Variants in ABTB2 observed in about 807,000 individuals in gnomAD.
The protein encoded by ABTB2 is ankyrin repeat and BTB domain containing 2, also known as ankyrin repeat and BTB/POZ domain-containing protein 2.
ABTB2 carries 56 observed loss-of-function variants against 104.1 expected under a neutral mutation model. The ratio of observed to expected loss-of-function variants is 0.54; its 90% CI spans 0.43 to 0.67. The LOEUF (loss-of-function observed/expected upper bound fraction) is 0.67, where lower values mean the gene tolerates loss of function less well. Ranked by LOEUF, ABTB2 falls within the 30% of genes least tolerant of loss-of-function variation. The pLI is 0.00. For synonymous variants in ABTB2, 606 were observed against 608.2 expected, an observed-to-expected ratio of 1.00 and a Z score of 0.05; for missense variants, 1,279 against 1,407.7, an observed-to-expected ratio of 0.91 and a Z score of 1.46.
rs1852586727 is a variant in ABTB2 at position 34,154,156 on chromosome 11, C to A, written c.2880+109G>T. On this transcript the variant is annotated intron_variant, in intron 16 of 16. Transcript: ENST00000435224. This position sits in a 1 kb window ranked among gnomAD's most constrained non-coding sequence, Gnocchi z 4.9. ...GCCTCTACACTGCCCTCAGAAGCAG[C>A]CTGGTCACCTGCATCTCCTAGCTCA... The A allele has an allele frequency of 8.5e-6, 7 of 824,324 alleles. No homozygotes were observed. Among genetic ancestry groups the A allele is most frequent in the Non-Finnish European group, 1.4e-5 (7 of 499,314 alleles). The allele number at this position is 824,324 out of a possible 1,614,324, so 51.1% of individuals were successfully genotyped here.
chr11:34,230,435 A>G (rs1853753725), intron 1 of ABTB2, among the ~76,000 whole-genome samples: 1 of 152,178 alleles, frequency 6.6e-6, no homozygotes, highest in Admixed American at 6.5e-5. Flanking sequence ...AATACCTAAA[A>G]TAACTTTCGG....
chr11:34,167,284 A>G lies in ABTB2; in HGVS notation c.1730T>C (p.Leu577Pro). The G allele has an allele frequency of 6.2e-7, 1 of 1,612,890 alleles. No individual in the cohort carries two copies. The highest frequency in any genetic ancestry group is 8.5e-7 in the Non-Finnish European group (1 of 1,179,440). The change falls in exon 7 of 17, where the codon CTG (leucine) becomes CCG (proline). Residue 577 changes from leucine to proline, a missense_variant. Transcript: ENST00000435224. ...RHWTSLTFAVLHGHISVVQLL... is the reference protein window; with the variant it reads ...RHWTSLTFAVPHGHISVVQLL... ...CTGGACCACAGAGATGTGTCCATGCAGCACAGCGAATGTCAGTGAGGTCCA... is the reference window on the plus strand; with the variant it reads ...CTGGACCACAGAGATGTGTCCATGCGGCACAGCGAATGTCAGTGAGGTCCA...
intron 1 of ABTB2, among the ~76,000 whole-genome samples, chr11:34,262,010 C>A (rs570443826): frequency 2.0e-5 from 3 of 152,308 alleles, no homozygotes; most frequent in African/African-American, 4.8e-5. Flanking sequence ...TGCCACCATA[C>A]CCCTGGTACA....
chr11:34,255,497 CTT>C (rs879472977), intron 1 of ABTB2, among the ~76,000 whole-genome samples: 5 of 146,334 alleles, frequency 3.4e-5, no homozygotes, highest in Non-Finnish European at 4.5e-5. Context: ...TTAAAAACTT[CTT>C]TTTTTTTTTT....
At position 34,161,168 on chromosome 11, in the gene ABTB2, T is replaced by C. The variant is rs1234217441; in HGVS notation, c.2219-87A>G. 1.1e-5 allele frequency: 15 copies of C among 1,350,328 alleles called. No homozygotes were observed. The Admixed American group carries it at 1.3e-4, about 12-fold the overall frequency. 83.6% of individuals were successfully genotyped at this position (1,350,328 alleles called of 1,614,324 possible). ...CACAGCCTTTTCTGGGCAGACTCTC[T>C]CGGGATGCCCCCGCTGTCTGCAGAG... is the stretch of plus-strand genomic sequence containing the variant. On this transcript the variant is annotated intron_variant, in intron 10 of 16. Coordinates refer to ENST00000435224, the MANE Select transcript of ABTB2 (RefSeq NM_145804.3).
At chr11:34,296,006 C>T (rs925526236) in intron 1 of ABTB2, among the ~76,000 whole-genome samples, 7 of 152,138 alleles carry the variant, frequency 4.6e-5, no homozygotes, top group Non-Finnish European at 7.4e-5. Context: ...GTGATGTGCA[C>T]CTGTAGTCCC....
intron 3 of ABTB2, among the ~76,000 whole-genome samples, chr11:34,188,865 C>T (rs1853136972): frequency 6.6e-6 from 1 of 152,210 alleles, no homozygotes; most frequent in South Asian, 2.1e-4. Flanking sequence ...AAACATTCTC[C>T]CTGCTGCATC....
chr11:34,254,533 C>A (rs116506826), intron 1 of ABTB2, among the ~76,000 whole-genome samples: 4,101 of 152,144 alleles, frequency 0.027, 144 homozygotes, highest in African/African-American at 0.083. Context: ...GATTTGAGAG[C>A]CACCGTGCTC....
intron 1 of ABTB2, among the ~76,000 whole-genome samples, chr11:34,295,555 T>G (rs1854611784): frequency 6.6e-6 from 1 of 152,214 alleles, no homozygotes; most frequent in East Asian, 1.9e-4. Context: ...TAGAGTGAGC[T>G]GGCTAGGGAA....
chr11:34,321,807 G>T (rs541252617), intron 1 of ABTB2, among the ~76,000 whole-genome samples: 1 of 152,360 alleles, frequency 6.6e-6, no homozygotes, highest in South Asian at 2.1e-4. Context: ...AACCCTTCCA[G>T]AGAAGCTCCA....
In ABTB2 at chr11:34,161,068, C is replaced by T. The variant is rs1312125585; in HGVS notation, c.2232G>A (p.Lys744=). Residue 744 remains lysine (K), a synonymous_variant, in exon 11 of 17, where the codon AAG becomes AAA. Transcript: ENST00000435224. ...MELRALGVPW[K]LHIWIESLRT... ...TCAGAGACTCGATCCAGATGTGCAG[C>T]TTCCAGGGGACTCCTGGTCCAGGCA... 1 of 1,608,096 alleles carries T rather than the reference C, an allele frequency of 6.2e-7. No individual in the cohort carries two copies. Among genetic ancestry groups the T allele is most frequent in the Admixed American group, 1.7e-5 (1 of 59,382 alleles).
intron 1 of ABTB2, among the ~76,000 whole-genome samples, chr11:34,273,036 A>G (rs1423111125): frequency 6.6e-6 from 1 of 152,184 alleles, no homozygotes; most frequent in Non-Finnish European, 1.5e-5. Context: ...TAATATATAT[A>G]AAGTACTTAA....
chr11:34,308,715 C>T (rs527444302), intron 1 of ABTB2, among the ~76,000 whole-genome samples: 5 of 151,812 alleles, frequency 3.3e-5, no homozygotes, highest in African/African-American at 1.2e-4. Flanking sequence ...ACTAAAAATA[C>T]AAAAATTAGC....
intron 1 of ABTB2, among the ~76,000 whole-genome samples, chr11:34,212,180 C>G (rs1435402982): frequency 6.6e-6 from 1 of 152,012 alleles, no homozygotes; most frequent in Admixed American, 6.5e-5. Flanking sequence ...CCTCAGCCTC[C>G]GGAGTAGCTG....
chr11:34,167,457 A>G, intron 6 of ABTB2, 97 bp from the exon 7 acceptor site: 1 of 967,966 alleles, frequency 1.0e-6, no homozygotes, highest in Admixed American at 2.3e-5. Flanking sequence ...TGCTTTCTAC[A>G]TTCGATTGAT....
intron 1 of ABTB2, among the ~76,000 whole-genome samples, chr11:34,245,559 C>T (rs1853974703): frequency 6.6e-6 from 1 of 152,172 alleles, no homozygotes; most frequent in African/African-American, 2.4e-5. Context: ...CAATTGATCT[C>T]TAGTTGTGTT....
chr11:34,345,633 C>T (rs748608950), intron 1 of ABTB2, among the ~76,000 whole-genome samples: 5 of 151,952 alleles, frequency 3.3e-5, no homozygotes, highest in African/African-American at 4.8e-5. Context: ...GGGGACATTG[C>T]GATGCCTTCT....
At chr11:34,165,213 G>A (rs572417699) in intron 8 of ABTB2, 47 bp downstream of exon 8, 3 of 1,489,560 alleles carry the variant, frequency 2.0e-6, no homozygotes, top group Admixed American at 2.1e-5. Flanking sequence ...AGGCTGGGGG[G>A]CACTGCAGGG....
At chr11:34,286,381 C>T (rs1854506263) in intron 1 of ABTB2, among the ~76,000 whole-genome samples, 2 of 152,064 alleles carry the variant, frequency 1.3e-5, no homozygotes, top group African/African-American at 2.4e-5. Context: ...CGACCTCTGC[C>T]TCCCCAGTTC....
Sources: allele counts gnomAD v4.1 joint callset (sites outside exome capture counted in the v4.1 genomes callset), GRCh38; gene constraint gnomAD v4.1.1; non-coding constraint Gnocchi (gnomAD v3.1); transcripts MANE v1.5; gene names NCBI Gene and HGNC (gene_info 2026-07-23, HGNC 2026-07-21).